BTBD9: variants seen among roughly 807,000 people sequenced by gnomAD.
BTBD9 encodes the protein BTB domain containing 9.
Under a neutral mutation model 64.3 loss-of-function variants are expected in BTBD9, and 49 were observed. The ratio of observed to expected loss-of-function variants is 0.76; its 90% CI spans 0.61 to 0.97. The LOEUF (loss-of-function observed/expected upper bound fraction) is 0.97. Ranked by LOEUF, BTBD9 falls within the 50% of genes least tolerant of loss-of-function variation. BTBD9 has a pLI of 0.00. For synonymous variants in BTBD9, 260 were observed against 274.7 expected (o/e 0.95, Z 0.53); for missense variants, 598 against 762.1 (o/e 0.78, Z 2.53).
chr6:38,310,713 C>T (rs924218084), intron 7 of BTBD9, among the ~76,000 whole-genome samples: 10 of 151,702 alleles, frequency 6.6e-5, no homozygotes, highest in African/African-American at 1.9e-4. Context: ...ACGGGGTATA[C>T]GAAATATTTT....
At chr6:38,530,006 C>A (rs902935859) in intron 6 of BTBD9, among the ~76,000 whole-genome samples, 4 of 152,060 alleles carry the variant, frequency 2.6e-5, no homozygotes, top group Non-Finnish European at 4.4e-5. Flanking sequence ...AATTCTTTTC[C>A]TAGCAAGGAA....
intron 6 of BTBD9, among the ~76,000 whole-genome samples, chr6:38,366,883 C>T (rs1765203203): frequency 1.3e-5 from 2 of 152,214 alleles, no homozygotes; most frequent in Admixed American, 6.5e-5. Flanking sequence ...ATTGCAATTT[C>T]GCTGCATCGG....
chr6:38,604,704 G>T (rs111811768), intron 1 of BTBD9, among the ~76,000 whole-genome samples: 3 of 152,238 alleles, frequency 2.0e-5, no homozygotes, highest in Non-Finnish European at 2.9e-5. Flanking sequence ...AATACTAAAT[G>T]AACAGAACTC....
At position 38,290,081 on chromosome 6, in the gene BTBD9, G is replaced by A. The variant is rs12526138; in HGVS notation, c.1265-1620C>T. ...TTATTTTCCAAAGTTGGACATGCTT[G>A]TACTTAAGCCCTCATCTCGTATGCC... is the stretch of plus-strand genomic sequence containing the variant. On this transcript the variant is annotated intron_variant, in intron 7 of 10. Transcript: ENST00000481247. 4.0e-5 allele frequency among the ~76,000 whole-genome samples: 6 copies of A among 150,628 alleles called. No individual in the cohort carries two copies. In the Admixed American group the frequency reaches 4.0e-4, roughly 10 times the overall value.
chr6:38,442,077 C>A (rs1769059349), intron 6 of BTBD9, among the ~76,000 whole-genome samples: 1 of 152,106 alleles, frequency 6.6e-6, no homozygotes, highest in Non-Finnish European at 1.5e-5. Flanking sequence ...CTAGATTGCA[C>A]AGAAATACAT....
At chr6:38,426,181 C>G (rs1768139238) in intron 6 of BTBD9, among the ~76,000 whole-genome samples, 1 of 151,852 alleles carries the variant, frequency 6.6e-6, no homozygotes, top group African/African-American at 2.4e-5. Context: ...ATTTCCTAGG[C>G]CGACTAAGAA....
At chr6:38,385,011 T>C (rs1766092350) in intron 6 of BTBD9, among the ~76,000 whole-genome samples, 1 of 151,790 alleles carries the variant, frequency 6.6e-6, no homozygotes, top group South Asian at 2.1e-4. Context: ...TCAATTCCGG[T>C]ATCCCTGAAT....
In BTBD9 at chr6:38,483,064, G is replaced by A. The variant is rs1042853642; in HGVS notation, c.1154+94536C>T. Among the ~76,000 whole-genome samples, 28 of 151,966 alleles carry A rather than the reference G, an allele frequency of 1.8e-4. No individual in the cohort carries two copies. In the East Asian group the frequency reaches 5.2e-3, roughly 28 times the overall value. ...CATTATCAAATCCTCCCTCCCTGTG[G>A]TATCATTCCAGTCCACACACACACA... On this transcript the variant is annotated intron_variant, in intron 6 of 10. Transcript: ENST00000481247.
At chr6:38,283,497 A>G (rs1464979349) in intron 8 of BTBD9, among the ~76,000 whole-genome samples, 1 of 152,108 alleles carries the variant, frequency 6.6e-6, no homozygotes, top group African/African-American at 2.4e-5. Context: ...AAAATTTTAT[A>G]AACTAGTCAG....
chr6:38,468,851 C>T (rs1484545254), intron 6 of BTBD9, among the ~76,000 whole-genome samples: 2 of 152,174 alleles, frequency 1.3e-5, no homozygotes, highest in African/African-American at 2.4e-5. Context: ...CTATATCCCT[C>T]CTCAAAGGTT....
Position 38,445,747 on chromosome 6 carries a change from T to A in BTBD9, c.1155-100654A>T, listed in dbSNP as rs1018795659. Among the ~76,000 whole-genome samples the A allele has an allele frequency of 2.6e-5, 4 of 152,178 alleles. 1 individual carries two copies. Among genetic ancestry groups the A allele is most frequent in the Admixed American group, 1.3e-4 (2 of 15,274 alleles). The stretch of plus-strand genomic sequence containing the variant: ...TGAAAGAAAAAATGTCATCATCAGA[T>A]CTTAAAAATGAGAATGTGGAATTTA... On this transcript the variant is annotated intron_variant, in intron 6 of 10. Transcript: ENST00000481247.
At chr6:38,361,505 G>A (rs752082737) in intron 6 of BTBD9, among the ~76,000 whole-genome samples, 5 of 151,666 alleles carry the variant, frequency 3.3e-5, no homozygotes, top group Non-Finnish European at 5.9e-5. Context: ...ATCATGCCAC[G>A]GCGCTCCAGC....
At chr6:38,258,514 A>C (rs1277418843) in intron 8 of BTBD9, among the ~76,000 whole-genome samples, 1 of 152,082 alleles carries the variant, frequency 6.6e-6, no homozygotes, top group East Asian at 1.9e-4. Context: ...CGTCTTACTG[A>C]TTTTTTCTAT....
At chr6:38,224,172 C>T (rs898267413) in intron 9 of BTBD9, among the ~76,000 whole-genome samples, 5 of 151,878 alleles carry the variant, frequency 3.3e-5, no homozygotes, top group South Asian at 2.1e-4. Context: ...GAGATTGTGC[C>T]GCTGCACTCC....
chr6:38,603,924 G>A (rs549958761), intron 1 of BTBD9, among the ~76,000 whole-genome samples: 6 of 152,162 alleles, frequency 3.9e-5, no homozygotes, highest in South Asian at 2.1e-4. Context: ...AGTTAATATC[G>A]CTTGGGGAGA....
At chr6:38,566,575 A>G (rs1775526119) in intron 6 of BTBD9, among the ~76,000 whole-genome samples, 1 of 152,224 alleles carries the variant, frequency 6.6e-6, no homozygotes, top group Non-Finnish European at 1.5e-5. Context: ...TTATACAAAG[A>G]ATGTGCCCCA....
chr6:38,596,717 C>T lies in BTBD9; in HGVS notation c.185+1193G>A, dbSNP rs534551281. ...TCGGGAGGCTGAGGCAGGAGAATGG[C>T]GTGAACCCGGGAGGCGGAGCTTGCA... is the stretch of plus-strand genomic sequence containing the variant. On this transcript the variant is annotated intron_variant, in intron 2 of 10. Coordinates refer to ENST00000481247, the MANE Select transcript of BTBD9 (RefSeq NM_001099272.2). Among the ~76,000 whole-genome samples, 17 of 150,704 alleles carry T rather than the reference C, an allele frequency of 1.1e-4. No individual in the cohort carries two copies. In the East Asian group the frequency reaches 3.2e-3, roughly 28 times the overall value.
At chr6:38,572,115 C>G in intron 6 of BTBD9, among the ~76,000 whole-genome samples, 1 of 152,124 alleles carries the variant, frequency 6.6e-6, no homozygotes, top group South Asian at 2.1e-4. Flanking sequence ...TCCTTCTCCC[C>G]TGACTTCTGT....
rs146018012 is a variant in BTBD9, at chr6:38,435,764, G to A, written c.1155-90671C>T. ...GCTCACTGCAACCTCCACCTTCTGG[G>A]TTCAAGCAATTCTCCGGCCTCAGCC... On this transcript the variant is annotated intron_variant, in intron 6 of 10. Coordinates refer to ENST00000481247, the MANE Select transcript of BTBD9 (RefSeq NM_001099272.2). Among the ~76,000 whole-genome samples the A allele has an allele frequency of 5.3e-3, 807 of 151,152 alleles. 16 individuals are homozygous for A. The highest frequency in any genetic ancestry group is 0.016 in the African/African-American group (668 of 40,802).
Sources: gnomAD v4.1 joint callset for allele counts (sites outside exome capture counted in the v4.1 genomes callset) on GRCh38, gnomAD v4.1.1 for gene constraint, MANE v1.5 for transcripts, NCBI Gene and HGNC (gene_info 2026-07-23, HGNC 2026-07-21) for gene names.